CNGA1: variants seen among roughly 807,000 people sequenced by gnomAD.
CNGA1 encodes the protein cyclic nucleotide gated channel subunit alpha 1, also known as cyclic nucleotide-gated channel alpha-1.
Under a neutral mutation model 69.7 loss-of-function variants are expected in CNGA1, and 53 were observed. The observed-to-expected ratio is 0.76, with a 90% CI of 0.61 to 0.96. The LOEUF is 0.96. CNGA1 is among the 40% of genes least tolerant of loss of function. CNGA1 has a pLI of 0.00. For missense variants in CNGA1, 739 were observed against 811.2 expected (o/e 0.91, Z 1.08); for synonymous variants, 249 against 283.5 (o/e 0.88, Z 1.22).
In CNGA1 at chr4:47,936,838, A is replaced by G. The variant is rs1328325910; in HGVS notation, c.1644T>C (p.Ile548=). 6.2e-7 allele frequency: 1 copy of G among 1,614,020 alleles called. No individual in the cohort carries two copies. The highest frequency in any genetic ancestry group is 1.3e-5 in the African/African-American group (1 of 75,000). Residue 548 remains isoleucine (I), a synonymous_variant, in exon 11 of 11, where the codon ATT becomes ATC. Transcript: ENST00000514170. ...SYFGEISILN[I]KGSKAGNRRT... is the part of the protein sequence containing the mutation. The stretch of plus-strand genomic sequence containing the variant: ...TTCGATTGCCAGCTTTGCTCCCTTT[A>G]ATGTTAAGAATGCTGATCTCACCGA...
chr4:47,980,878 C>T (rs1298298717), intron 3 of CNGA1, among the ~76,000 whole-genome samples: 2 of 49,532 alleles, frequency 4.0e-5, no homozygotes, highest in Admixed American at 2.3e-4. Context: ...ATTGTATCCT[C>T]GGGCGAGGCA....
At chr4:47,955,804 C>T (rs1052613411) in intron 3 of CNGA1, among the ~76,000 whole-genome samples, 1 of 152,236 alleles carries the variant, frequency 6.6e-6, no homozygotes, top group Admixed American at 6.5e-5. Flanking sequence ...CACAAGGCTA[C>T]AACCTCCTCT....
chr4:47,999,206 A>T (rs1714546380), intron 2 of CNGA1, among the ~76,000 whole-genome samples: 1 of 152,228 alleles, frequency 6.6e-6, no homozygotes, highest in Non-Finnish European at 1.5e-5. Context: ...ATCTCTTTCC[A>T]TGCCTAATTT....
chr4:47,994,099 T>C (rs1488048631), intron 2 of CNGA1, among the ~76,000 whole-genome samples: 1 of 152,180 alleles, frequency 6.6e-6, no homozygotes, highest in Non-Finnish European at 1.5e-5. Flanking sequence ...GCCTATCATA[T>C]TGTCTATCTT....
intron 2 of CNGA1, among the ~76,000 whole-genome samples, chr4:47,989,614 A>G (rs749626838): frequency 4.5e-4 from 69 of 152,182 alleles, no homozygotes; most frequent in Non-Finnish European, 8.8e-4. Context: ...GAAAAGTTAA[A>G]TAATCAAAAT....
chr4:47,972,661 CT>C (rs569848028), intron 3 of CNGA1, among the ~76,000 whole-genome samples: 1 of 152,312 alleles, frequency 6.6e-6, no homozygotes, highest in African/African-American at 2.4e-5. Context: ...GATTTATTCT[CT>C]GTGAATTACA....
chr4:47,949,032 C>A (rs190412062), intron 6 of CNGA1, among the ~76,000 whole-genome samples: 226 of 152,304 alleles, frequency 1.5e-3, no homozygotes, highest in Middle Eastern at 0.014. Flanking sequence ...TAACCAGGAT[C>A]CTGGAGTAGG....
At chr4:48,011,299 G>A (rs1307890258) in intron 1 of CNGA1, among the ~76,000 whole-genome samples, 5 of 135,856 alleles carry the variant, frequency 3.7e-5, no homozygotes, top group African/African-American at 5.4e-5. Flanking sequence ...CAACTAAGAA[G>A]AAAAAAAATT....
At chr4:47,951,257 G>T in intron 5 of CNGA1, 96 bp downstream of exon 5, 1 of 768,752 alleles carries the variant, frequency 1.3e-6, no homozygotes. Context: ...ACTGCTCAAG[G>T]TCATCACCAT....
At chr4:47,999,319 CA>C (rs1224552777) in intron 2 of CNGA1, among the ~76,000 whole-genome samples, 4 of 152,200 alleles carry the variant, frequency 2.6e-5, no homozygotes, top group Non-Finnish European at 4.4e-5. Flanking sequence ...ATATTCCCTG[CA>C]GATAAAAGAG....
intron 10 of CNGA1, among the ~76,000 whole-genome samples, chr4:47,939,969 G>C (rs1738970398): frequency 6.6e-6 from 1 of 152,168 alleles, no homozygotes; most frequent in Non-Finnish European, 1.5e-5. Flanking sequence ...TGAAGCATAA[G>C]TGTCCTTTGA....
intron 2 of CNGA1, among the ~76,000 whole-genome samples, chr4:47,989,469 A>G (rs1388502507): frequency 6.6e-6 from 1 of 152,108 alleles, no homozygotes; most frequent in South Asian, 2.1e-4. Flanking sequence ...GGGTACCATC[A>G]TTCTACGGTA....
At chr4:47,945,297 G>C (rs1260044579) in intron 6 of CNGA1, among the ~76,000 whole-genome samples, 1 of 152,094 alleles carries the variant, frequency 6.6e-6, no homozygotes, top group Non-Finnish European at 1.5e-5. Flanking sequence ...CCAGTACTTA[G>C]ACCTAAAACC....
At chr4:47,951,325 G>T in intron 5 of CNGA1, 28 bp downstream of exon 5, 1 of 1,412,910 alleles carries the variant, frequency 7.1e-7, no homozygotes, top group Non-Finnish European at 1.0e-6. Context: ...TTAAAAACAA[G>T]CACCAAGGGA....
At chr4:47,961,302 G>C (rs113607219) in intron 3 of CNGA1, among the ~76,000 whole-genome samples, 97 of 152,280 alleles carry the variant, frequency 6.4e-4, no homozygotes, top group African/African-American at 2.3e-3. Context: ...AGAAACACAG[G>C]CTGCCTCTTG....
At chr4:48,000,954 T>C (rs1424974513) in intron 2 of CNGA1, among the ~76,000 whole-genome samples, 1 of 152,136 alleles carries the variant, frequency 6.6e-6, no homozygotes, top group Non-Finnish European at 1.5e-5. Context: ...AAATCTACAT[T>C]ATAGGAAATA....
intron 10 of CNGA1, among the ~76,000 whole-genome samples, chr4:47,938,192 A>G (rs903010304): frequency 6.6e-6 from 1 of 151,854 alleles, no homozygotes; most frequent in Non-Finnish European, 1.5e-5. Flanking sequence ...AAAAAGAAAA[A>G]AAAAGAAAAA....
intron 3 of CNGA1, among the ~76,000 whole-genome samples, chr4:47,968,223 A>G (rs1424358172): frequency 2.6e-5 from 4 of 152,220 alleles, no homozygotes; most frequent in African/African-American, 7.2e-5. Context: ...TCCTTTCCCC[A>G]ATTTCTGAGA....
chr4:47,950,519 A>G (rs1416784086), intron 5 of CNGA1, among the ~76,000 whole-genome samples: 1 of 152,238 alleles, frequency 6.6e-6, no homozygotes, highest in Non-Finnish European at 1.5e-5. Flanking sequence ...GTTCATACCA[A>G]GAATTAGCTT....
Sources: allele counts gnomAD v4.1 joint callset (sites outside exome capture counted in the v4.1 genomes callset), GRCh38; gene constraint gnomAD v4.1.1; transcripts MANE v1.5; gene names NCBI Gene and HGNC (gene_info 2026-07-23, HGNC 2026-07-21).